WDPCP: variants seen among roughly 807,000 people sequenced by gnomAD.
WDPCP encodes WD repeat containing planar cell polarity effector.
Under a neutral mutation model 93.1 loss-of-function variants are expected in WDPCP, and 71 were observed. The ratio of observed to expected loss-of-function variants is 0.76; its 90% CI spans 0.63 to 0.93. WDPCP has a LOEUF of 0.93. Ranked by LOEUF, WDPCP falls within the 40% of genes least tolerant of loss-of-function variation. WDPCP has a pLI of 0.00. For synonymous variants in WDPCP, 315 were observed against 315.0 expected (o/e 1.00, Z 0.00); for missense variants, 844 against 887.4 (o/e 0.95, Z 0.62).
chr2:63,672,383 T>C (rs1710357672), intron 2 of WDPCP, among the ~76,000 whole-genome samples: 1 of 152,208 alleles, frequency 6.6e-6, no homozygotes, highest in African/African-American at 2.4e-5. Context: ...ATAATTACTA[T>C]ATAAATCAGA....
At chr2:63,427,651 T>A (rs1003570812) in intron 9 of WDPCP, among the ~76,000 whole-genome samples, 1 of 152,074 alleles carries the variant, frequency 6.6e-6, no homozygotes, top group Admixed American at 6.6e-5. Context: ...AAATTAACAA[T>A]CTAACATTGC....
chr2:63,123,800 C>G (rs1669706130), intron 17 of WDPCP, among the ~76,000 whole-genome samples: 1 of 151,564 alleles, frequency 6.6e-6, no homozygotes, highest in Non-Finnish European at 1.5e-5. Flanking sequence ...CTAAAGTTAA[C>G]ATGAATTTGC....
intron 6 of WDPCP, chr2:63,440,202 A>G (rs573736397): frequency 1.8e-5 from 4 of 220,718 alleles, no homozygotes; most frequent in African/African-American, 4.5e-5. Flanking sequence ...AGAAAATGTA[A>G]TGTATTCTAT....
chr2:63,381,074 A>G (rs1482219859), intron 11 of WDPCP, among the ~76,000 whole-genome samples: 2 of 152,072 alleles, frequency 1.3e-5, no homozygotes, highest in African/African-American at 4.8e-5. Context: ...TTACCTAGGG[A>G]CAGTTTCTCA....
At chr2:63,539,626 C>A (rs558278391) in intron 1 of WDPCP, among the ~76,000 whole-genome samples, 2 of 152,190 alleles carry the variant, frequency 1.3e-5, no homozygotes, top group East Asian at 3.9e-4. Context: ...GAGGAGGTTG[C>A]AGTGAGCTCA....
At chr2:63,615,581 C>T (rs1709663595) in intron 3 of WDPCP, among the ~76,000 whole-genome samples, 1 of 152,134 alleles carries the variant, frequency 6.6e-6, no homozygotes, top group Admixed American at 6.5e-5. Context: ...TTTATAAAAA[C>T]CCTTGCATTT....
chr2:63,609,275 G>A (rs1349654644), intron 3 of WDPCP, among the ~76,000 whole-genome samples: 1 of 151,930 alleles, frequency 6.6e-6, no homozygotes, highest in Non-Finnish European at 1.5e-5. Context: ...GCTGAGGCAG[G>A]AGAATCACCT....
intron 15 of WDPCP, among the ~76,000 whole-genome samples, chr2:63,159,284 G>T (rs1672489188): frequency 1.3e-5 from 2 of 151,070 alleles, no homozygotes; most frequent in African/African-American, 2.4e-5. Context: ...AAGAGATGAG[G>T]TGTCACTAGT....
At chr2:63,147,114 C>T (rs1671570474) in intron 17 of WDPCP, among the ~76,000 whole-genome samples, 1 of 152,018 alleles carries the variant, frequency 6.6e-6, no homozygotes, top group Non-Finnish European at 1.5e-5. Flanking sequence ...TAAAGAGTGG[C>T]AGGAAATAAA....
intron 1 of WDPCP, among the ~76,000 whole-genome samples, chr2:63,824,285 G>A (rs1671075778): frequency 6.6e-6 from 1 of 151,732 alleles, no homozygotes; most frequent in African/African-American, 2.4e-5. Context: ...CCCCAGCCAC[G>A]TGGAACTGTG....
intron 14 of WDPCP, among the ~76,000 whole-genome samples, chr2:63,247,686 A>C (rs527250689): frequency 1.3e-5 from 2 of 151,680 alleles, no homozygotes; most frequent in African/African-American, 2.4e-5. Context: ...AAAAAAAAAA[A>C]AAACACCACC....
intron 1 of WDPCP, chr2:63,827,548 G>A (rs963279428): frequency 8.5e-5 from 13 of 152,096 alleles, no homozygotes; most frequent in African/African-American, 3.1e-4. Context: ...TCTCTAACAT[G>A]ATCATTTCAT....
intron 17 of WDPCP, among the ~76,000 whole-genome samples, chr2:63,128,992 TG>T (rs1336886356): frequency 6.6e-6 from 1 of 152,226 alleles, no homozygotes; most frequent in African/African-American, 2.4e-5. Context: ...TCTAAGAATT[TG>T]ACTATTCCAG....
At chr2:63,599,957 G>A (rs1251127042) in intron 3 of WDPCP, 1 of 152,184 alleles carries the variant, frequency 6.6e-6, no homozygotes, top group Non-Finnish European at 1.5e-5. Flanking sequence ...GGCTTTTTCA[G>A]ATCTAACTGG....
intron 10 of WDPCP, among the ~76,000 whole-genome samples, chr2:63,396,339 T>C (rs34745559): frequency 0.17 from 25,516 of 152,196 alleles, 2,357 homozygotes; most frequent in Middle Eastern, 0.25. Context: ...TGTTTGTTTT[T>C]TAGAAAGAGA....
rs529113741 is a variant in WDPCP, at chr2:63,414,234, G to A, written c.826-9577C>T. Among the ~76,000 whole-genome samples the A allele has an allele frequency of 2.0e-5, 3 of 152,226 alleles. No homozygotes were observed. The South Asian group carries it at 6.2e-4, about 32-fold the overall frequency. ...ACACTTCTATGCTGCTGTTGGGAAC[G>A]TAAACTAGTACAGCCACTATGGAAA... is the stretch of plus-strand genomic sequence containing the variant. On this transcript the variant is annotated intron_variant, in intron 9 of 17. Transcript: ENST00000272321.
intron 9 of WDPCP, among the ~76,000 whole-genome samples, chr2:63,431,208 C>T (rs940318632): frequency 6.6e-5 from 10 of 151,742 alleles, no homozygotes; most frequent in Admixed American, 2.0e-4. Context: ...TGGATGCCCA[C>T]GAAAATCGCC....
chr2:63,322,947 G>T lies in WDPCP; in HGVS notation c.1749-9636C>A, dbSNP rs142286114. On this transcript the variant is annotated intron_variant, in intron 12 of 17. Transcript: ENST00000272321. ...CTACTAGCGCAGCTGCCAGACTAAA[G>T]ACACAGGTGTCAGGCTTTCTGGGAA... is the stretch of plus-strand genomic sequence containing the variant. Among the ~76,000 whole-genome samples the T allele has an allele frequency of 1.4e-4, 22 of 152,364 alleles. No individual in the cohort carries two copies. The East Asian group carries it at 4.1e-3, about 28-fold the overall frequency.
chr2:63,735,879 C>G (rs1351373813), intron 2 of WDPCP, among the ~76,000 whole-genome samples: 1 of 152,174 alleles, frequency 6.6e-6, no homozygotes, highest in Non-Finnish European at 1.5e-5. Context: ...CCCAAAGATA[C>G]ACAGAAAATA....
Sources: gnomAD v4.1 joint callset for allele counts (sites outside exome capture counted in the v4.1 genomes callset) on GRCh38, gnomAD v4.1.1 for gene constraint, MANE v1.5 for transcripts, NCBI Gene and HGNC (gene_info 2026-07-23, HGNC 2026-07-21) for gene names.